The following ACKR2 variants were observed in gnomAD, a reference collection of about 807,000 sequenced individuals.
The protein encoded by ACKR2 is atypical chemokine receptor 2.
For missense variants in ACKR2, 457 were observed against 477.3 expected (o/e 0.96, Z 0.40); for synonymous variants, 207 against 192.2 (o/e 1.08, Z -0.64).
chr3:42,823,430 A>C (rs1700829772), intron 2 of ACKR2, among the ~76,000 whole-genome samples: 1 of 152,092 alleles, frequency 6.6e-6, no homozygotes, highest in South Asian at 2.1e-4. Flanking sequence ...TGTGACCTTC[A>C]TTCTATAATT....
At chr3:42,860,528 C>T (rs2088375188) in intron 2 of ACKR2, among the ~76,000 whole-genome samples, 1 of 152,142 alleles carries the variant, frequency 6.6e-6, no homozygotes, top group African/African-American at 2.4e-5. Flanking sequence ...AACTCTCCAC[C>T]CTAAATCAAC....
chr3:42,821,822 G>A (rs1046705491), intron 2 of ACKR2, among the ~76,000 whole-genome samples: 18 of 151,772 alleles, frequency 1.2e-4, no homozygotes, highest in Non-Finnish European at 2.2e-4. Flanking sequence ...TCAGCCTCCC[G>A]AGTAGCTGGG....
Position 42,865,196 on chromosome 3 carries a change from C to G in ACKR2, c.694C>G (p.Arg232Gly), listed in dbSNP as rs375679675. The change falls in exon 3 of 3, where the codon CGT (arginine) becomes GGT (glycine). Residue 232 changes from arginine (R) to glycine (G), a missense_variant. By Grantham distance (125) the Arg-to-Gly change is moderately radical. Transcript: ENST00000422265. ...PLLAMIFFYS[R>G]IGCVLVRLRP... ...CCTTGCCATGATCTTCTTCTACTCC[C>G]GTATTGGTTGTGTCTTGGTGAGGCT... 6.2e-7 allele frequency: 1 copy of G among 1,614,146 alleles called. No individual in the cohort carries two copies. Among genetic ancestry groups the G allele is most frequent in the Non-Finnish European group, 8.5e-7 (1 of 1,180,036 alleles).
At chr3:42,815,560 G>C (rs1323271233) in intron 1 of ACKR2, among the ~76,000 whole-genome samples, 4 of 152,178 alleles carry the variant, frequency 2.6e-5, no homozygotes, top group Non-Finnish European at 5.9e-5. Context: ...CACATTAATT[G>C]CATGTTTCAA....
At chr3:42,858,456 A>G (rs1344273670) in intron 2 of ACKR2, among the ~76,000 whole-genome samples, 1 of 152,182 alleles carries the variant, frequency 6.6e-6, no homozygotes, top group Non-Finnish European at 1.5e-5. Flanking sequence ...GAAAACTAAC[A>G]AACAGAAAGG....
chr3:42,859,527 C>T (rs1270632384), intron 2 of ACKR2, among the ~76,000 whole-genome samples: 9 of 152,012 alleles, frequency 5.9e-5, no homozygotes, highest in South Asian at 2.1e-4. Context: ...TAGAGGCGCC[C>T]GCCACCATGC....
chr3:42,832,612 G>A (rs1287337071), intron 2 of ACKR2, among the ~76,000 whole-genome samples: 1 of 152,112 alleles, frequency 6.6e-6, no homozygotes, highest in Non-Finnish European at 1.5e-5. Context: ...CTCCATCACC[G>A]CATACGGAAC....
intron 2 of ACKR2, among the ~76,000 whole-genome samples, chr3:42,820,202 T>C (rs1361065358): frequency 6.6e-6 from 1 of 152,204 alleles, no homozygotes; most frequent in African/African-American, 2.4e-5. Flanking sequence ...ATTACTTTTA[T>C]AGCTCTGGAA....
intron 1 of ACKR2, among the ~76,000 whole-genome samples, chr3:42,816,921 A>C (rs948438118): frequency 6.6e-6 from 1 of 152,178 alleles, no homozygotes; most frequent in East Asian, 1.9e-4. Flanking sequence ...TAATGAAAAA[A>C]AAATTTGGTA....
At chr3:42,861,216 C>T (rs1017914710) in intron 2 of ACKR2, among the ~76,000 whole-genome samples, 1 of 152,158 alleles carries the variant, frequency 6.6e-6, no homozygotes, top group African/African-American at 2.4e-5. Context: ...AAACTACGAT[C>T]AGAGAATACT....
At chr3:42,857,755 C>T (rs1430868972) in intron 2 of ACKR2, among the ~76,000 whole-genome samples, 1 of 152,166 alleles carries the variant, frequency 6.6e-6, no homozygotes, top group Non-Finnish European at 1.5e-5. Flanking sequence ...TCTCAAAAAG[C>T]AAGGGAAATC....
At chr3:42,854,316 G>T (rs1032962430) in intron 2 of ACKR2, among the ~76,000 whole-genome samples, 1 of 152,160 alleles carries the variant, frequency 6.6e-6, no homozygotes, top group South Asian at 2.1e-4. Flanking sequence ...ATCACTGAAC[G>T]CAGAGTTGGT....
At chr3:42,841,435 T>C (rs910169656) in intron 2 of ACKR2, 9 of 152,220 alleles carry the variant, frequency 5.9e-5, no homozygotes, top group Non-Finnish European at 1.0e-4. Context: ...CTCAGATCTC[T>C]TGCATACCAG....
Position 42,865,105 on chromosome 3 carries a change from G to C in ACKR2, c.603G>C (p.Gly201=). Reference sequence around the variant, plus strand: ...GGAACTGCCACGCAGATTTCGGCGGGCATGGGACCATTTGGAAGCTCTTCC... The same window carrying C: ...GGAACTGCCACGCAGATTTCGGCGGCCATGGGACCATTTGGAAGCTCTTCC... ...GVWNCHADFG[G]HGTIWKLFLR... is the part of the protein sequence containing the mutation. Residue 201 remains glycine (G), a synonymous_variant, in exon 3 of 3, where the codon GGG becomes GGC. Transcript: ENST00000422265. The C allele has an allele frequency of 6.2e-7, 1 of 1,613,984 alleles. No individual in the cohort carries two copies. Among genetic ancestry groups the C allele is most frequent in the Non-Finnish European group, 8.5e-7 (1 of 1,179,998 alleles).
chr3:42,849,360 G>C (rs531232458), intron 2 of ACKR2, among the ~76,000 whole-genome samples: 4 of 152,086 alleles, frequency 2.6e-5, no homozygotes, highest in African/African-American at 9.6e-5. Context: ...AGATTAGCCG[G>C]GCATGGTGGT....
At chr3:42,838,952 T>G (rs1339115222) in intron 2 of ACKR2, 1 of 152,178 alleles carries the variant, frequency 6.6e-6, no homozygotes, top group African/African-American at 2.4e-5. Context: ...CAGAAAAGAC[T>G]TGAATAAGAA....
At chr3:42,848,577 A>G (rs1416731379) in intron 2 of ACKR2, among the ~76,000 whole-genome samples, 1 of 152,218 alleles carries the variant, frequency 6.6e-6, no homozygotes, top group African/African-American at 2.4e-5. Context: ...TAATTAATAT[A>G]TGATGGAAAT....
intron 2 of ACKR2, among the ~76,000 whole-genome samples, chr3:42,850,778 A>C (rs1015237282): frequency 1.1e-4 from 16 of 152,312 alleles, no homozygotes; most frequent in African/African-American, 3.8e-4. Flanking sequence ...CTGACCCAGC[A>C]GGGGAACAGA....
intron 2 of ACKR2, among the ~76,000 whole-genome samples, chr3:42,837,623 T>C (rs1439739479): frequency 2.0e-5 from 3 of 152,268 alleles, no homozygotes; most frequent in African/African-American, 7.2e-5. Flanking sequence ...TCCAGGTCCC[T>C]GGCAGATTGG....
Sources: allele counts gnomAD v4.1 joint callset (sites outside exome capture counted in the v4.1 genomes callset), GRCh38; gene constraint gnomAD v4.1.1; transcripts MANE v1.5; gene names NCBI Gene and HGNC (gene_info 2026-07-23, HGNC 2026-07-21).